PHLPP1: variants seen among roughly 807,000 people sequenced by gnomAD.
The protein encoded by PHLPP1 is PH domain and leucine rich repeat protein phosphatase 1.
Under a neutral mutation model 117.2 loss-of-function variants are expected in PHLPP1, and 42 were observed. The observed-to-expected ratio is 0.36, with a 90% CI of 0.28 to 0.46. PHLPP1 has a LOEUF of 0.46. PHLPP1 is among the 20% of genes least tolerant of loss of function. The pLI, the probability that PHLPP1 is intolerant of heterozygous loss-of-function variation, is 1.00. For missense variants in PHLPP1, 2,084 were observed against 2,241.9 expected (o/e 0.93, Z 1.42); for synonymous variants, 1,042 against 970.7 (o/e 1.07, Z -1.37).
chr18:62,876,630 A>G (rs190929745), intron 4 of PHLPP1, among the ~76,000 whole-genome samples: 65 of 152,344 alleles, frequency 4.3e-4, no homozygotes, highest in South Asian at 1.9e-3. Flanking sequence ...GAGAACATTT[A>G]GAAATGCTTT....
chr18:62,940,810 A>G (rs749578684), intron 10 of PHLPP1, among the ~76,000 whole-genome samples: 66 of 152,346 alleles, frequency 4.3e-4, no homozygotes, highest in Admixed American at 9.8e-4. Context: ...CTTCGTCTCA[A>G]AGTGAGCACA....
intron 3 of PHLPP1, among the ~76,000 whole-genome samples, chr18:62,855,894 T>C (rs1356982196): frequency 6.6e-6 from 1 of 152,240 alleles, no homozygotes; most frequent in East Asian, 1.9e-4. Flanking sequence ...GGTCGTCTTC[T>C]GGCCATTCTT....
chr18:62,918,646 G>GA (rs1432718162), intron 9 of PHLPP1, among the ~76,000 whole-genome samples: 1 of 152,056 alleles, frequency 6.6e-6, no homozygotes, highest in African/African-American at 2.4e-5. Context: ...TGTGAGCAAA[G>GA]AAACTCCATT....
intron 1 of PHLPP1, chr18:62,779,540 ACAGT>A (rs1473386887): frequency 1.3e-5 from 2 of 152,192 alleles, no homozygotes; most frequent in South Asian, 2.1e-4. Context: ...GAAGTAACTG[ACAGT>A]CAGAAACAAC....
chr18:62,921,777 A>G (rs952982000), intron 10 of PHLPP1, among the ~76,000 whole-genome samples: 14 of 152,226 alleles, frequency 9.2e-5, no homozygotes, highest in Non-Finnish European at 2.9e-5. Flanking sequence ...TATGACTTAC[A>G]TTCAGTAAAG....
intron 1 of PHLPP1, among the ~76,000 whole-genome samples, chr18:62,751,072 T>G (rs566760764): frequency 1.8e-3 from 277 of 152,310 alleles, no homozygotes; most frequent in African/African-American, 6.5e-3. Flanking sequence ...CACGTTTGAT[T>G]TTTTCGGTAC....
intron 4 of PHLPP1, among the ~76,000 whole-genome samples, chr18:62,873,512 G>A (rs1183574368): frequency 2.6e-5 from 4 of 152,136 alleles, no homozygotes; most frequent in Non-Finnish European, 4.4e-5. Context: ...GGTGGTTATC[G>A]CTTCCATTAA....
chr18:62,775,019 C>G (rs1005003631), intron 1 of PHLPP1, among the ~76,000 whole-genome samples: 21 of 152,182 alleles, frequency 1.4e-4, no homozygotes, highest in African/African-American at 5.1e-4. Context: ...AGTCCACCTT[C>G]CAACCCTACT....
chr18:62,945,956 T>C (rs749082744), intron 12 of PHLPP1, among the ~76,000 whole-genome samples: 2 of 152,264 alleles, frequency 1.3e-5, no homozygotes, highest in African/African-American at 4.8e-5. Context: ...ATGAAAGCCA[T>C]GTAACAACCA....
intron 14 of PHLPP1, among the ~76,000 whole-genome samples, chr18:62,970,626 G>C (rs767927873): frequency 6.6e-6 from 1 of 152,094 alleles, no homozygotes. Context: ...TTAGCTGGGC[G>C]TGGTGGCGGG....
In PHLPP1 at chr18:62,860,505, T is replaced by G; in HGVS notation, c.1970T>G (p.Phe657Cys). The G allele has an allele frequency of 6.2e-7, 1 of 1,613,886 alleles. No individual in the cohort carries two copies. Among genetic ancestry groups the G allele is most frequent in the Non-Finnish European group, 8.5e-7 (1 of 1,179,814 alleles). Reference sequence around the variant, plus strand: ...CTGGAACATCTGCCTGCCAACCTCTTCTACAGCCAAGACCTCACTCATCTC... The same window carrying G: ...CTGGAACATCTGCCTGCCAACCTCTGCTACAGCCAAGACCTCACTCATCTC... Reference protein sequence around the residue: ...CSLEHLPANLFYSQDLTHLNL... With the variant: ...CSLEHLPANLCYSQDLTHLNL... Residue 657 changes from phenylalanine to cysteine, a missense_variant, in exon 4 of 17, where the codon TTC (phenylalanine) becomes TGC (cysteine). Physicochemically the swap from Phe to Cys is radical, Grantham distance 205 (BLOSUM62 -2). Around this residue, in one of 2 missense-constraint regions of PHLPP1, gnomAD observed 1,365 missense variants for 1,605.9 expected, o/e 0.85. Coordinates refer to ENST00000262719, the MANE Select transcript of PHLPP1 (RefSeq NM_194449.4).
chr18:62,974,841 T>C (rs1911144554), intron 15 of PHLPP1, among the ~76,000 whole-genome samples: 1 of 152,172 alleles, frequency 6.6e-6, no homozygotes, highest in Admixed American at 6.5e-5. Flanking sequence ...CTTTACTATA[T>C]AGGGCAGGAA....
At chr18:62,973,089 G>A (rs1194499886) in intron 15 of PHLPP1, among the ~76,000 whole-genome samples, 3 of 152,174 alleles carry the variant, frequency 2.0e-5, no homozygotes, top group Admixed American at 6.5e-5. Flanking sequence ...GAAATGGACC[G>A]TTTCTATCCT....
chr18:62,901,750 A>AGTAGCTGG (rs1243897342), intron 6 of PHLPP1, among the ~76,000 whole-genome samples: 5 of 151,340 alleles, frequency 3.3e-5, no homozygotes, highest in Admixed American at 1.3e-4. Context: ...CAGCTTCCCG[A>AGTAGCTGG]GTAGCTGGGA....
At chr18:62,843,010 T>C (rs941055878) in intron 3 of PHLPP1, 21 of 152,368 alleles carry the variant, frequency 1.4e-4, no homozygotes, top group African/African-American at 4.3e-4. Flanking sequence ...TGGATAAGGA[T>C]GATTGTTACA....
chr18:62,788,711 T>C (rs1913370586), intron 1 of PHLPP1, among the ~76,000 whole-genome samples: 1 of 152,228 alleles, frequency 6.6e-6, no homozygotes, highest in African/African-American at 2.4e-5. Flanking sequence ...CTTTTTATAC[T>C]GTACAACTTG....
At chr18:62,970,768 A>C (rs1471189135) in intron 14 of PHLPP1, among the ~76,000 whole-genome samples, 4 of 152,184 alleles carry the variant, frequency 2.6e-5, no homozygotes, top group Admixed American at 2.6e-4. Context: ...CCATCTCAAA[A>C]AAAAATGAAA....
intron 1 of PHLPP1, among the ~76,000 whole-genome samples, chr18:62,745,595 T>TA (rs1237425456): frequency 6.6e-6 from 1 of 152,196 alleles, no homozygotes; most frequent in African/African-American, 2.4e-5. Context: ...GGGGATGTGC[T>TA]ATAGTGTTGC....
chr18:62,941,414 T>A (rs1910126608), intron 10 of PHLPP1, among the ~76,000 whole-genome samples: 1 of 152,258 alleles, frequency 6.6e-6, no homozygotes, highest in African/African-American at 2.4e-5. Flanking sequence ...ATATTAACTT[T>A]ACCATATCAC....
Sources: allele counts gnomAD v4.1 joint callset (sites outside exome capture counted in the v4.1 genomes callset), GRCh38; gene constraint gnomAD v4.1.1; regional missense constraint gnomAD v4.1.1; transcripts MANE v1.5; gene names NCBI Gene and HGNC (gene_info 2026-07-23, HGNC 2026-07-21).